Variants in DCAF6 observed in about 807,000 individuals in gnomAD.
DCAF6 encodes DDB1 and CUL4 associated factor 6.
In DCAF6, 54 loss-of-function variants were observed where a neutral mutation model predicts 125.1. That is an observed-to-expected ratio of 0.43 (90% CI 0.35 to 0.54). The LOEUF (loss-of-function observed/expected upper bound fraction) is 0.54, where lower values mean the gene tolerates loss of function less well. Among genes scored for constraint, DCAF6 ranks in the 20% least tolerant of loss-of-function variants. The probability of loss-of-function intolerance (pLI) is 0.01; values close to 1 mark genes in which losing one functional copy is unlikely to be tolerated. For missense variants in DCAF6, 934 were observed against 1,161.7 expected, an observed-to-expected ratio of 0.80 and a Z score of 2.85; for synonymous variants, 371 against 390.4, an observed-to-expected ratio of 0.95 and a Z score of 0.58.
At chr1:168,018,184 A>C (rs191581602) in intron 11 of DCAF6, among the ~76,000 whole-genome samples, 12 of 152,304 alleles carry the variant, frequency 7.9e-5, no homozygotes, top group African/African-American at 2.9e-4. Context: ...AGTGGGCTCA[A>C]ATGGGAAGGG....
chr1:167,930,551 A>G, the DCAF6 span, among the ~76,000 whole-genome samples: 1 of 152,254 alleles, frequency 6.6e-6, no homozygotes, highest in Non-Finnish European at 1.5e-5. Flanking sequence ...AATGTAAGAA[A>G]AGTCCTAAGA....
chr1:167,891,710 C>T, the DCAF6 span, among the ~76,000 whole-genome samples: 1 of 150,856 alleles, frequency 6.6e-6, no homozygotes, highest in Non-Finnish European at 1.5e-5. Context: ...CCCTGCCAAT[C>T]ATCATCCCTG....
chr1:167,987,693 TTATAA>T, intron 5 of DCAF6, 85 bp downstream of exon 5: 1 of 700,510 alleles, frequency 1.4e-6, no homozygotes. Flanking sequence ...ATAATTAAGG[TTATAA>T]TTAAAAGTAA....
the DCAF6 span, chr1:167,875,095 C>A: frequency 1.3e-6 from 2 of 1,577,930 alleles, no homozygotes; most frequent in South Asian, 2.2e-5. Context: ...TGTTTTAGTT[C>A]AATAAAGAAG....
intron 7 of DCAF6, among the ~76,000 whole-genome samples, chr1:168,000,437 A>G (rs1194342298): frequency 3.3e-5 from 5 of 152,192 alleles, no homozygotes; most frequent in Admixed American, 6.5e-5. Context: ...AAACCACAGT[A>G]TCTGTGAAAT....
chr1:168,033,769 G>A (rs1292415892), intron 12 of DCAF6, among the ~76,000 whole-genome samples: 1 of 152,122 alleles, frequency 6.6e-6, no homozygotes, highest in Non-Finnish European at 1.5e-5. Flanking sequence ...ATGGTAATTT[G>A]CCTCCATAGA....
the DCAF6 span, among the ~76,000 whole-genome samples, chr1:167,889,983 T>C: frequency 6.6e-6 from 1 of 152,218 alleles, no homozygotes; most frequent in Non-Finnish European, 1.5e-5. Context: ...TTATCTTGAA[T>C]TTCTTTGAGT....
the DCAF6 span, among the ~76,000 whole-genome samples, chr1:167,875,760 C>G: frequency 6.6e-6 from 1 of 151,992 alleles, no homozygotes; most frequent in African/African-American, 2.4e-5. Context: ...ACCATCCTGG[C>G]TAACACGGTG....
At chr1:168,060,625 C>T (rs1691468627) in intron 17 of DCAF6, among the ~76,000 whole-genome samples, 2 of 152,196 alleles carry the variant, frequency 1.3e-5, no homozygotes, top group Admixed American at 1.3e-4. Context: ...GGCATGGTGA[C>T]TCATGCCTGT....
At chr1:168,024,448 G>C (rs555913018) in intron 12 of DCAF6, among the ~76,000 whole-genome samples, 2 of 152,084 alleles carry the variant, frequency 1.3e-5, no homozygotes, top group Non-Finnish European at 2.9e-5. Flanking sequence ...TATTCTTAGA[G>C]AAATATTCAG....
chr1:167,975,386 T>C (rs1404880051), intron 4 of DCAF6, among the ~76,000 whole-genome samples: 1 of 152,172 alleles, frequency 6.6e-6, no homozygotes, highest in African/African-American at 2.4e-5. Context: ...ATAGCCAACA[T>C]GCTTATCAAA....
At chr1:168,019,208 C>G (rs1685364569) in intron 11 of DCAF6, among the ~76,000 whole-genome samples, 1 of 151,990 alleles carries the variant, frequency 6.6e-6, no homozygotes, top group African/African-American at 2.4e-5. Context: ...GCCACTATGC[C>G]CGGCTAATTT....
intron 9 of DCAF6, 68 bp from the exon 10 acceptor site, chr1:168,004,465 A>G: frequency 6.9e-7 from 1 of 1,457,618 alleles, no homozygotes; most frequent in Non-Finnish European, 9.5e-7. Context: ...TTCTGAGCAT[A>G]TCTGTTTAGA....
upstream of DCAF6, among the ~76,000 whole-genome samples, chr1:167,934,353 T>C (rs538809495): frequency 2.0e-5 from 3 of 152,328 alleles, no homozygotes; most frequent in South Asian, 2.1e-4. Flanking sequence ...TCACATTCAG[T>C]TGACTCTGTA....
At chr1:167,954,039 C>G (rs1180783522) in intron 2 of DCAF6, among the ~76,000 whole-genome samples, 1 of 152,134 alleles carries the variant, frequency 6.6e-6, no homozygotes, top group Non-Finnish European at 1.5e-5. Context: ...CTGAGTCTCA[C>G]TCCGTCTTCC....
chr1:167,908,078 T>A, the DCAF6 span, among the ~76,000 whole-genome samples: 2 of 152,196 alleles, frequency 1.3e-5, no homozygotes, highest in African/African-American at 4.8e-5. Context: ...CCCAAAGGAA[T>A]TGAAATCAGT....
At chr1:167,959,121 T>A (rs1008829044) in intron 2 of DCAF6, among the ~76,000 whole-genome samples, 2 of 152,248 alleles carry the variant, frequency 1.3e-5, no homozygotes, top group Non-Finnish European at 2.9e-5. Context: ...GTCATATAAT[T>A]GGAATCACAT....
intron 7 of DCAF6, among the ~76,000 whole-genome samples, chr1:167,997,422 G>A (rs1681885475): frequency 6.6e-6 from 1 of 152,134 alleles, no homozygotes. Flanking sequence ...GTTATTCCCT[G>A]TCACACACTT....
the DCAF6 span, chr1:167,924,498 C>T: frequency 6.3e-7 from 1 of 1,587,072 alleles, no homozygotes; most frequent in Non-Finnish European, 8.6e-7. Context: ...AAGACTTACC[C>T]ATTTCATAAT....
Sources: gnomAD v4.1 joint callset for allele counts (sites outside exome capture counted in the v4.1 genomes callset) on GRCh38, gnomAD v4.1.1 for gene constraint, MANE v1.5 for transcripts, NCBI Gene and HGNC (gene_info 2026-07-23, HGNC 2026-07-21) for gene names.